SIK2: variants seen among roughly 807,000 people sequenced by gnomAD.
SIK2 encodes the protein salt inducible kinase 2, also known as serine/threonine-protein kinase SIK2.
SIK2 carries 29 observed loss-of-function variants against 103.2 expected under a neutral mutation model. That is an observed-to-expected ratio of 0.28 (90% confidence interval 0.21 to 0.38). SIK2 has a LOEUF of 0.38. Among genes scored for constraint, SIK2 ranks in the 10% least tolerant of loss-of-function variants. SIK2 has a pLI of 1.00. For missense variants in SIK2, 879 were observed against 1,171.0 expected, an observed-to-expected ratio of 0.75 and a Z score of 3.64; for synonymous variants, 412 against 446.1, an observed-to-expected ratio of 0.92 and a Z score of 0.96.
intron 3 of SIK2, among the ~76,000 whole-genome samples, chr11:111,627,819 G>A (rs552602017): frequency 1.3e-5 from 2 of 152,102 alleles, no homozygotes; most frequent in Admixed American, 1.3e-4. Flanking sequence ...TATTTAGTTG[G>A]CCAGCAGATC....
At chr11:111,669,029 A>T (rs1356686558) in intron 3 of SIK2, among the ~76,000 whole-genome samples, 7 of 152,228 alleles carry the variant, frequency 4.6e-5, no homozygotes, top group Non-Finnish European at 1.0e-4. Context: ...GGTGCCCAAT[A>T]CTTTATTAAT....
At chr11:111,639,465 G>A (rs1942153141) in intron 3 of SIK2, among the ~76,000 whole-genome samples, 1 of 152,190 alleles carries the variant, frequency 6.6e-6, no homozygotes, top group African/African-American at 2.4e-5. Flanking sequence ...GAGATCATAA[G>A]CCTCACCTGA....
At chr11:111,652,244 C>T (rs1472821636) in intron 3 of SIK2, among the ~76,000 whole-genome samples, 1 of 152,116 alleles carries the variant, frequency 6.6e-6, no homozygotes, top group Non-Finnish European at 1.5e-5. Flanking sequence ...TCATTAGATA[C>T]ACTAAATCTG....
chr11:111,709,521 CAT>C (rs1338365994), intron 8 of SIK2, among the ~76,000 whole-genome samples: 4 of 152,344 alleles, frequency 2.6e-5, no homozygotes, highest in Non-Finnish European at 4.4e-5. Flanking sequence ...AAGCACTAAA[CAT>C]GTGGTCTAAA....
chr11:111,658,265 C>T (rs1942420845), intron 3 of SIK2, among the ~76,000 whole-genome samples: 1 of 151,968 alleles, frequency 6.6e-6, no homozygotes, highest in Non-Finnish European at 1.5e-5. Context: ...ACTAGGACTA[C>T]AGGTACGCAC....
rs753614933 is a variant in SIK2, at chr11:111,705,153, A to G, written c.1101+14A>G. 2 of 1,549,950 alleles carry G rather than the reference A, an allele frequency of 1.3e-6. No homozygotes were observed. The highest frequency in any genetic ancestry group is 1.4e-5 in the African/African-American group (1 of 70,800). On this transcript the variant is annotated intron_variant, in intron 8 of 14. Transcript: ENST00000304987. This position sits in a 1 kb window ranked among gnomAD's most constrained non-coding sequence, Gnocchi z 4.3. ...ACAGTTGCCAAGGTAATGCCCCCTT[A>G]GCTGAGAGTCTTATCTGTGCATGTG... is the stretch of plus-strand genomic sequence containing the variant.
intron 3 of SIK2, among the ~76,000 whole-genome samples, chr11:111,652,356 A>G (rs75642884): frequency 0.024 from 3,646 of 152,266 alleles, 92 homozygotes; most frequent in African/African-American, 0.062. Context: ...AGGATTATGG[A>G]ATGTAAGGAA....
intron 3 of SIK2, among the ~76,000 whole-genome samples, chr11:111,651,502 C>T (rs934008786): frequency 1.3e-5 from 2 of 151,960 alleles, no homozygotes. Context: ...AGACACAGGG[C>T]GGGGAACCAC....
At chr11:111,714,478 G>A (rs1357701612) in intron 9 of SIK2, among the ~76,000 whole-genome samples, 5 of 152,156 alleles carry the variant, frequency 3.3e-5, no homozygotes, top group Non-Finnish European at 4.4e-5. Flanking sequence ...TGTGTGCCCC[G>A]GTGCAGGGGA....
Position 111,727,047 on chromosome 11 carries a change from T to TA in SIK2, c.*2919dup. 6 of 1,614,024 alleles carry TA rather than the reference T, an allele frequency of 3.7e-6. No homozygotes were observed. Among genetic ancestry groups the TA allele is most frequent in the Non-Finnish European group, 5.1e-6 (6 of 1,179,952 alleles). ...GTCTCTAGTATCTCCACGCAACTGA[T>TA]ACACTGGTCCCTGTAAGGCAAACAG... is the stretch of plus-strand genomic sequence containing the variant. On this transcript the variant is annotated 3_prime_UTR_variant, in exon 15 of 15. Coordinates refer to ENST00000304987, the MANE Select transcript of SIK2 (RefSeq NM_015191.3).
intron 1 of SIK2, among the ~76,000 whole-genome samples, chr11:111,613,313 T>A (rs1941754821): frequency 6.6e-6 from 1 of 152,164 alleles, no homozygotes; most frequent in Non-Finnish European, 1.5e-5. Context: ...ATCCCTTCTT[T>A]CCATCTTCTT....
intron 1 of SIK2, among the ~76,000 whole-genome samples, chr11:111,610,802 C>T (rs191472299): frequency 2.6e-5 from 4 of 152,112 alleles, no homozygotes; most frequent in African/African-American, 9.6e-5. Context: ...TGTCATTGTT[C>T]TGGGTTTTTT....
chr11:111,630,506 A>G (rs933966981), intron 3 of SIK2, among the ~76,000 whole-genome samples: 2 of 152,168 alleles, frequency 1.3e-5, no homozygotes, highest in Non-Finnish European at 2.9e-5. Flanking sequence ...TCAAAAAAAA[A>G]AGGAGAGTTT....
chr11:111,633,819 T>C (rs1019415604), intron 3 of SIK2, among the ~76,000 whole-genome samples: 4 of 152,212 alleles, frequency 2.6e-5, no homozygotes, highest in Admixed American at 2.6e-4. Context: ...ATTTTCTTGG[T>C]CTGGCAGCAT....
chr11:111,726,978 T>A lies in SIK2; in HGVS notation c.*2849T>A. Reference sequence around the variant, plus strand: ...AAATCTGGGGTATTAGTCTGTGCTTTGGGAGAAATGCACTAGCTCTGCAAT... The same window carrying A: ...AAATCTGGGGTATTAGTCTGTGCTTAGGGAGAAATGCACTAGCTCTGCAAT... On this transcript the variant is annotated 3_prime_UTR_variant, in exon 15 of 15. Transcript: ENST00000304987. 2.5e-6 allele frequency: 4 copies of A among 1,613,966 alleles called. No individual in the cohort carries two copies. Among genetic ancestry groups the A allele is most frequent in the Non-Finnish European group, 3.4e-6 (4 of 1,179,798 alleles).
intron 3 of SIK2, among the ~76,000 whole-genome samples, chr11:111,665,597 G>A (rs2051825081): frequency 6.6e-6 from 1 of 152,134 alleles, no homozygotes; most frequent in Admixed American, 6.5e-5. Context: ...GCCAAGGCGG[G>A]CAGATTGCCT....
intron 3 of SIK2, among the ~76,000 whole-genome samples, chr11:111,643,352 A>G (rs182087683): frequency 6.6e-6 from 1 of 152,210 alleles, no homozygotes; most frequent in Non-Finnish European, 1.5e-5. Flanking sequence ...CAAATAGCTA[A>G]TGCATGCAGG....
At chr11:111,683,365 C>T (rs1942802202) in intron 3 of SIK2, 1 of 152,202 alleles carries the variant, frequency 6.6e-6, no homozygotes, top group Non-Finnish European at 1.5e-5. Flanking sequence ...CACACATAAG[C>T]AGTTAGTATA....
At chr11:111,668,184 G>GTT (rs1317983851) in intron 3 of SIK2, among the ~76,000 whole-genome samples, 1 of 151,538 alleles carries the variant, frequency 6.6e-6, no homozygotes, top group Non-Finnish European at 1.5e-5. Context: ...TAAGGAGTGT[G>GTT]TGTGTGTGTG....
Sources: allele counts gnomAD v4.1 joint callset (sites outside exome capture counted in the v4.1 genomes callset), GRCh38; gene constraint gnomAD v4.1.1; non-coding constraint Gnocchi (gnomAD v3.1); transcripts MANE v1.5; gene names NCBI Gene and HGNC (gene_info 2026-07-23, HGNC 2026-07-21).